Variants in EIF2AK1 observed in about 807,000 individuals in gnomAD.
The protein encoded by EIF2AK1 is eukaryotic translation initiation factor 2-alpha kinase 1.
EIF2AK1 carries 54 observed loss-of-function variants against 77.9 expected under a neutral mutation model. The observed-to-expected ratio is 0.69, with a 90% CI of 0.56 to 0.87. EIF2AK1 has a LOEUF of 0.87. EIF2AK1 is among the 40% of genes least tolerant of loss of function. The probability of loss-of-function intolerance (pLI) is 0.00; values close to 1 mark genes in which losing one functional copy is unlikely to be tolerated. For missense variants in EIF2AK1, 810 were observed against 768.6 expected, an observed-to-expected ratio of 1.05 and a Z score of -0.64; for synonymous variants, 314 against 290.5, an observed-to-expected ratio of 1.08 and a Z score of -0.82.
At chr7:6,024,949 G>T in intron 14 of EIF2AK1, 148 bp from the exon 15 acceptor site, 1 of 524,252 alleles carries the variant, frequency 1.9e-6, no homozygotes, top group African/African-American at 2.0e-5. Context: ...AGCTATTCTC[G>T]TGCCTCAGCC....
At chr7:6,030,334 G>T (rs76619530) in intron 11 of EIF2AK1, among the ~76,000 whole-genome samples, 13,237 of 152,148 alleles carry the variant, frequency 0.087, 729 homozygotes, top group African/African-American at 0.15. Flanking sequence ...GTAGGGTCTT[G>T]CATGCTAGGA....
chr7:6,045,206 A>C (rs976553617), intron 6 of EIF2AK1, among the ~76,000 whole-genome samples: 1 of 151,908 alleles, frequency 6.6e-6, no homozygotes, highest in Non-Finnish European at 1.5e-5. Context: ...GCTGGGTTCA[A>C]GTCATTCCTG....
chr7:6,039,890 T>A (rs1278053666), intron 9 of EIF2AK1, among the ~76,000 whole-genome samples: 5 of 151,718 alleles, frequency 3.3e-5, no homozygotes, highest in Non-Finnish European at 7.4e-5. Context: ...TGAGCCGAGA[T>A]CATGCCACTG....
At chr7:6,058,817 C>A (rs542255605) in intron 1 of EIF2AK1, 149 bp downstream of exon 1, 5 of 600,372 alleles carry the variant, frequency 8.3e-6, no homozygotes, top group East Asian at 7.0e-5. Flanking sequence ...GCCGCCCCCC[C>A]TCGCACTGCG....
Position 6,027,865 on chromosome 7 carries a change from G to A in EIF2AK1, c.1530+750C>T. 2.5e-6 allele frequency: 1 copy of A among 404,588 alleles called. No individual in the cohort carries two copies. The highest frequency in any genetic ancestry group is 1.8e-5 in the South Asian group (1 of 55,636). 25.1% of individuals were successfully genotyped at this position (404,588 alleles called of 1,614,324 possible). On this transcript the variant is annotated intron_variant, in intron 13 of 14. Transcript: ENST00000199389. This position sits in a 1 kb window ranked among gnomAD's most constrained non-coding sequence, Gnocchi z 4.5. ...GAATCATTTGAGGCCAGGAGTTTGA[G>A]ACCAACCTGGACAAAGCAAGACCCA... is the stretch of plus-strand genomic sequence containing the variant.
rs1399743873 is a variant in EIF2AK1 at position 6,024,762 on chromosome 7, T to C, written c.1804A>G (p.Lys602Glu). Residue 602 changes from lysine (K) to glutamate (E), a missense_variant, in exon 15 of 15, where the codon AAA (lysine) becomes GAA (glutamate). Physicochemically the swap from Lys to Glu is moderately conservative, Grantham distance 56. Around this residue, in one of 3 missense-constraint regions of EIF2AK1, gnomAD observed 549 missense variants for 533.7 expected, o/e 1.03. Transcript: ENST00000199389. ...TGCTTCTTTAGTTCTGCAATTTCTT[T>C]TTCTTGCTCTATTATCTTCATCTGT... ...TLQMKIIEQEKEIAELKKQLN... is the reference protein window; with the variant it reads ...TLQMKIIEQEEEIAELKKQLN... The C allele has an allele frequency of 1.3e-6, 2 of 1,590,398 alleles. No individual in the cohort carries two copies. The highest frequency in any genetic ancestry group is 2.3e-5 in the East Asian group (1 of 44,260).
At position 6,027,616 on chromosome 7, in the gene EIF2AK1, C is replaced by T. The variant is rs532775802; in HGVS notation, c.1531-655G>A. Reference sequence around the variant, plus strand: ...GGAGATTCAAACTTTACAGCATGTTCGTTCTATTTCAAGGGGAGTCAAGGG... The same window carrying T: ...GGAGATTCAAACTTTACAGCATGTTTGTTCTATTTCAAGGGGAGTCAAGGG... On this transcript the variant is annotated intron_variant, in intron 13 of 14. Coordinates refer to ENST00000199389, the MANE Select transcript of EIF2AK1 (RefSeq NM_014413.4). The surrounding 1 kb of genome is among the most constrained non-coding windows in gnomAD (Gnocchi z 4.5). Among the ~76,000 whole-genome samples, 1 of 152,022 alleles carries T rather than the reference C, an allele frequency of 6.6e-6. No individual in the cohort carries two copies. Among genetic ancestry groups the T allele is most frequent in the South Asian group, 2.1e-4 (1 of 4,828 alleles).
At position 6,028,690 on chromosome 7, in the gene EIF2AK1, T is replaced by C; in HGVS notation, c.1455A>G (p.Pro485=). 1 of 1,614,208 alleles carries C rather than the reference T, an allele frequency of 6.2e-7. No individual in the cohort carries two copies. Residue 485 remains proline (P), a synonymous_variant, in exon 13 of 15, where the codon CCA becomes CCG. Coordinates refer to ENST00000199389, the MANE Select transcript of EIF2AK1 (RefSeq NM_014413.4). ...DWTNRNGKRT[P]THTSRVGTCL... ...AAGTACCCACTCTGGACGTATGTGT[T>C]GGTGTTCCTATCATTTCAAAAGCCA...
intron 5 of EIF2AK1, 125 bp downstream of exon 5, chr7:6,046,867 C>T (rs1788458665): frequency 2.2e-6 from 2 of 899,732 alleles, no homozygotes; most frequent in Admixed American, 3.1e-5. Flanking sequence ...GCGCCGCGCA[C>T]TCCAGCCTGG....
At position 6,035,449 on chromosome 7, in the gene EIF2AK1, C is replaced by A. The variant is rs771412351; in HGVS notation, c.1332+1975G>T. On this transcript the variant is annotated intron_variant, in intron 11 of 14. Transcript: ENST00000199389. The surrounding 1 kb of genome is among the most constrained non-coding windows in gnomAD (Gnocchi z 5.5). ...GTAATCAATACCCATTCTAGGGACA[C>A]GACAGGCCTCACCACACTCAACTTA... 2 of 1,549,568 alleles carry A rather than the reference C, an allele frequency of 1.3e-6. No homozygotes were observed. The highest frequency in any genetic ancestry group is 1.7e-6 in the Non-Finnish European group (2 of 1,146,272).
chr7:6,037,012 G>C (rs992372328), intron 11 of EIF2AK1, among the ~76,000 whole-genome samples: 1 of 152,038 alleles, frequency 6.6e-6, no homozygotes, highest in Admixed American at 6.6e-5. Flanking sequence ...AGGATCACTT[G>C]AGCCCAGGAG....
intron 1 of EIF2AK1, among the ~76,000 whole-genome samples, 156 bp downstream of exon 1, chr7:6,058,810 G>GC (rs950782159): frequency 2.6e-5 from 4 of 152,110 alleles, no homozygotes; most frequent in Non-Finnish European, 4.4e-5. Flanking sequence ...CCCGCCCGCC[G>GC]CCCCCCCTCG....
intron 8 of EIF2AK1, among the ~76,000 whole-genome samples, chr7:6,042,219 G>A (rs1788318881): frequency 6.6e-6 from 1 of 151,908 alleles, no homozygotes; most frequent in South Asian, 2.1e-4. Context: ...GGGAGGCCAA[G>A]GCAGGCAGAT....
rs1360501857 is a variant in EIF2AK1 at position 6,056,611 on chromosome 7, A to ATT, written c.119-1908_119-1907insAA. 7.2e-3 allele frequency among the ~76,000 whole-genome samples: 223 copies of ATT among 31,172 alleles called. 9 individuals carry two copies. The highest frequency in any genetic ancestry group is 0.025 in the African/African-American group (211 of 8,554). The allele number at this position is 31,172 out of a possible 152,430, so 20.5% of individuals were successfully genotyped here. A position where few individuals can be genotyped will look rare whatever the true frequency, so the allele number is the denominator to read the frequency against. On this transcript the variant is annotated intron_variant, in intron 1 of 14. Coordinates refer to ENST00000199389, the MANE Select transcript of EIF2AK1 (RefSeq NM_014413.4). Reference sequence around the variant, plus strand: ...TCCATCTCAAGGGAAAAAAAAAAAAAAAATATATATATATATATATATATA... The same window carrying ATT: ...TCCATCTCAAGGGAAAAAAAAAAAAATTAAATATATATATATATATATATATA...
At chr7:6,054,498 C>T in intron 2 of EIF2AK1, 48 bp downstream of exon 2, 1 of 1,606,012 alleles carries the variant, frequency 6.2e-7, no homozygotes, top group Non-Finnish European at 8.5e-7. Flanking sequence ...ACCACGGAGC[C>T]CAGCCTTTAC....
chr7:6,031,972 G>C (rs905308727), intron 11 of EIF2AK1, among the ~76,000 whole-genome samples: 1 of 152,116 alleles, frequency 6.6e-6, no homozygotes, highest in Admixed American at 6.6e-5. Flanking sequence ...TCAGGAGTTC[G>C]AGACCAGCCT....
intron 1 of EIF2AK1, among the ~76,000 whole-genome samples, chr7:6,055,564 C>T (rs774098890): frequency 2.6e-5 from 4 of 151,732 alleles, no homozygotes; most frequent in Non-Finnish European, 5.9e-5. Flanking sequence ...GACTGACTCC[C>T]GAACCCCATC....
chr7:6,037,329 G>A lies in EIF2AK1; in HGVS notation c.1332+95C>T, dbSNP rs957989801. ...TATAACCTCCTAAGCAAATGAACTAGGACATGTAATCTTATTTAGTTTAAT... is the reference window on the plus strand; with the variant it reads ...TATAACCTCCTAAGCAAATGAACTAAGACATGTAATCTTATTTAGTTTAAT... On this transcript the variant is annotated intron_variant, in intron 11 of 14. Coordinates refer to ENST00000199389, the MANE Select transcript of EIF2AK1 (RefSeq NM_014413.4). 3.9e-6 allele frequency: 3 copies of A among 774,764 alleles called. No homozygotes were observed. The African/African-American group carries it at 5.2e-5, about 13-fold the overall frequency. 48.0% of individuals were successfully genotyped at this position (774,764 alleles called of 1,614,324 possible). A position where few individuals can be genotyped will look rare whatever the true frequency, so the allele number is the denominator to read the frequency against.
In EIF2AK1 at chr7:6,024,518, G is replaced by C; in HGVS notation, c.*155C>G. ...AAATTCAGGAAAAGGAGCTTGTGGG[G>C]CAGGAAGGGAAGGAACGGCAGCTTG... On this transcript the variant is annotated 3_prime_UTR_variant, in exon 15 of 15. Coordinates refer to ENST00000199389, the MANE Select transcript of EIF2AK1 (RefSeq NM_014413.4). The C allele has an allele frequency of 6.9e-7, 1 of 1,441,944 alleles. No homozygotes were observed. Among genetic ancestry groups the C allele is most frequent in the Non-Finnish European group, 9.1e-7 (1 of 1,104,288 alleles). 89.3% of individuals were successfully genotyped at this position (1,441,944 alleles called of 1,614,324 possible).
Sources: gnomAD v4.1 joint callset for allele counts (sites outside exome capture counted in the v4.1 genomes callset) on GRCh38, gnomAD v4.1.1 for gene constraint, gnomAD v4.1.1 regional missense constraint, Gnocchi (gnomAD v3.1) non-coding constraint, MANE v1.5 for transcripts, NCBI Gene and HGNC (gene_info 2026-07-23, HGNC 2026-07-21) for gene names.